SHISAL1: variants seen among roughly 807,000 people sequenced by gnomAD.
SHISAL1 encodes the protein protein shisa-like-1.
SHISAL1 carries 9 observed loss-of-function variants against 22.6 expected under a neutral mutation model. The observed-to-expected ratio is 0.40, with a 90% CI of 0.24 to 0.70. SHISAL1 has a LOEUF of 0.70. Among genes scored for constraint, SHISAL1 ranks in the 30% least tolerant of loss-of-function variants. The pLI is 0.39. For synonymous variants in SHISAL1, 119 were observed against 115.4 expected (o/e 1.03, Z -0.20); for missense variants, 246 against 270.6 (o/e 0.91, Z 0.64).
the SHISAL1 span, among the ~76,000 whole-genome samples, chr22:44,326,934 C>A: frequency 6.6e-6 from 1 of 152,044 alleles, no homozygotes; most frequent in Non-Finnish European, 1.5e-5. Flanking sequence ...CCCACACCCC[C>A]GACTCCCCAA....
chr22:44,324,450 G>C, the SHISAL1 span, among the ~76,000 whole-genome samples: 2 of 152,202 alleles, frequency 1.3e-5, no homozygotes, highest in African/African-American at 2.4e-5. Context: ...TTTGGTTCCT[G>C]CCTGGCTGCT....
In SHISAL1 at chr22:44,277,004, C is replaced by T. The variant is rs60102142; in HGVS notation, c.599+8424G>A. 4.9e-3 allele frequency among the ~76,000 whole-genome samples: 750 copies of T among 152,318 alleles called. 4 individuals are homozygous for T. Among genetic ancestry groups the T allele is most frequent in the African/African-American group, 0.017 (712 of 41,572 alleles). ...AGTTCCCCTCAGCCCCTCCCTCCTC[C>T]GAGGCTCTGCCTAAGCTGCTCTCTC... On this transcript the variant is annotated intron_variant, in intron 4 of 4. Coordinates refer to ENST00000381176, the MANE Select transcript of SHISAL1 (RefSeq NM_001099294.2).
At chr22:44,276,954 C>A (rs567423289) in intron 4 of SHISAL1, among the ~76,000 whole-genome samples, 1 of 152,188 alleles carries the variant, frequency 6.6e-6, no homozygotes. Context: ...CAGGACCCTG[C>A]GGTGCAGAGA....
chr22:44,260,715 A>C lies in SHISAL1; in HGVS notation c.*-11030T>G, dbSNP rs143193323. On this transcript the variant is annotated intron_variant, in intron 4 of 4. Coordinates refer to ENST00000381176, the MANE Select transcript of SHISAL1 (RefSeq NM_001099294.2). Reference sequence around the variant, plus strand: ...CCTTCTTGGCCCGTGGTGGCCCTTCAGGGATAAGGGTGGCAGCAGCCATGC... The same window carrying C: ...CCTTCTTGGCCCGTGGTGGCCCTTCCGGGATAAGGGTGGCAGCAGCCATGC... Among the ~76,000 whole-genome samples the C allele has an allele frequency of 7.2e-5, 11 of 152,314 alleles. No individual in the cohort carries two copies. The East Asian group carries it at 2.1e-3, about 29-fold the overall frequency.
chr22:44,288,946 A>C (rs2055334583), intron 3 of SHISAL1, among the ~76,000 whole-genome samples: 2 of 152,182 alleles, frequency 1.3e-5, no homozygotes, highest in African/African-American at 2.4e-5. Context: ...TTGGGGTTCA[A>C]ATTGTCTTTA....
At chr22:44,331,653 C>G in the SHISAL1 span, among the ~76,000 whole-genome samples, 1 of 148,936 alleles carries the variant, frequency 6.7e-6, no homozygotes, top group African/African-American at 2.4e-5. This position sits in a 1 kb window ranked among gnomAD's most constrained non-coding sequence, Gnocchi z 5.2. Flanking sequence ...CGCGGGGACT[C>G]CGGGCTCCCT....
intron 4 of SHISAL1, among the ~76,000 whole-genome samples, chr22:44,255,500 C>T (rs2055078314): frequency 6.6e-6 from 1 of 152,186 alleles, no homozygotes; most frequent in African/African-American, 2.4e-5. Context: ...TACCCCATAT[C>T]CAACTCAGGA....
chr22:44,261,805 G>A (rs2055126557), intron 4 of SHISAL1, among the ~76,000 whole-genome samples: 1 of 152,242 alleles, frequency 6.6e-6, no homozygotes, highest in African/African-American at 2.4e-5. Context: ...GAGAGCACTC[G>A]CCTGCCCTGA....
At chr22:44,313,571 C>T (rs1391333688), upstream of SHISAL1, among the ~76,000 whole-genome samples, 2 of 152,218 alleles carry the variant, frequency 1.3e-5, no homozygotes, top group South Asian at 2.1e-4. Flanking sequence ...CGGGGGATGC[C>T]CACACCTGCC....
At chr22:44,300,122 G>C (rs922297424) in intron 2 of SHISAL1, among the ~76,000 whole-genome samples, 3 of 141,276 alleles carry the variant, frequency 2.1e-5, no homozygotes, top group African/African-American at 9.5e-5. Context: ...GAGAGACAGA[G>C]ACAGAGAGAC....
At chr22:44,293,843 C>T (rs1051291600) in intron 3 of SHISAL1, among the ~76,000 whole-genome samples, 3 of 152,126 alleles carry the variant, frequency 2.0e-5, no homozygotes, top group African/African-American at 7.2e-5. Flanking sequence ...AAATTCTGAT[C>T]CTCGATACTC....
the SHISAL1 span, among the ~76,000 whole-genome samples, chr22:44,319,020 G>A: frequency 6.6e-6 from 1 of 152,248 alleles, no homozygotes; most frequent in Non-Finnish European, 1.5e-5. Context: ...GGCTCAAAGG[G>A]TCCCGTTGTA....
intron 4 of SHISAL1, among the ~76,000 whole-genome samples, chr22:44,268,133 A>G (rs2055177766): frequency 6.6e-6 from 1 of 152,124 alleles, no homozygotes; most frequent in African/African-American, 2.4e-5. Flanking sequence ...TAGGGCCTTT[A>G]TACATCCCCA....
chr22:44,311,111 C>A (rs369700005), intron 1 of SHISAL1, among the ~76,000 whole-genome samples: 1 of 151,998 alleles, frequency 6.6e-6, no homozygotes, highest in South Asian at 2.1e-4. Flanking sequence ...GTGGAAGTCC[C>A]TTATTTTAGC....
Position 44,246,844 on chromosome 22 carries a change from T to G in SHISAL1, c.*2841A>C, listed in dbSNP as rs371878403. On this transcript the variant is annotated 3_prime_UTR_variant, in exon 5 of 5. Coordinates refer to ENST00000381176, the MANE Select transcript of SHISAL1 (RefSeq NM_001099294.2). The stretch of plus-strand genomic sequence containing the variant: ...GTGACCTGCAGGAAGGAGGATGCCG[T>G]GGCTGTCTGCACCAGGTGTGCTGGG... 1.6e-4 allele frequency: 2 copies of G among 12,724 alleles called. No individual in the cohort carries two copies. The highest frequency in any genetic ancestry group is 2.0e-4 in the Non-Finnish European group (1 of 5,076). 0.8% of individuals were successfully genotyped at this position (12,724 alleles called of 1,614,324 possible). A position where few individuals can be genotyped will look rare whatever the true frequency, so the allele number is the denominator to read the frequency against.
the SHISAL1 span, among the ~76,000 whole-genome samples, chr22:44,321,703 A>C: frequency 2.6e-5 from 4 of 152,228 alleles, no homozygotes; most frequent in Admixed American, 2.6e-4. Context: ...CCTTCTGAGG[A>C]AGCAGCAGGC....
chr22:44,251,812 G>A lies in SHISAL1; in HGVS notation c.*-2127C>T, dbSNP rs146990316. Among the ~76,000 whole-genome samples, 52 of 152,300 alleles carry A rather than the reference G, an allele frequency of 3.4e-4. 1 individual carries two copies. The highest frequency in any genetic ancestry group is 1.1e-3 in the African/African-American group (46 of 41,562). The stretch of plus-strand genomic sequence containing the variant: ...CCCATGCCACATGGAAATTGTGGGA[G>A]TTACAATTCAAGATGAGATTTGGGT... On this transcript the variant is annotated intron_variant, in intron 4 of 4. Coordinates refer to ENST00000381176, the MANE Select transcript of SHISAL1 (RefSeq NM_001099294.2).
chr22:44,327,386 C>T, the SHISAL1 span, among the ~76,000 whole-genome samples: 13 of 152,056 alleles, frequency 8.5e-5, no homozygotes, highest in African/African-American at 2.4e-4. Flanking sequence ...GAAGTGGGGA[C>T]GGCCCGTGAC....
At chr22:44,283,897 G>C (rs1439086467) in intron 4 of SHISAL1, among the ~76,000 whole-genome samples, 1 of 152,044 alleles carries the variant, frequency 6.6e-6, no homozygotes, top group Non-Finnish European at 1.5e-5. Flanking sequence ...CCACATTTCA[G>C]AACACCCCAC....
Sources: allele counts gnomAD v4.1 joint callset (sites outside exome capture counted in the v4.1 genomes callset), GRCh38; gene constraint gnomAD v4.1.1; non-coding constraint Gnocchi (gnomAD v3.1); transcripts MANE v1.5; gene names NCBI Gene and HGNC (gene_info 2026-07-23, HGNC 2026-07-21).